FKBP9: variants seen among roughly 807,000 people sequenced by gnomAD.
The protein encoded by FKBP9 is peptidyl-prolyl cis-trans isomerase FKBP9.
FKBP9 carries 27 observed loss-of-function variants against 55.6 expected under a neutral mutation model. The ratio of observed to expected loss-of-function variants is 0.49; its 90% CI spans 0.36 to 0.67. FKBP9 has a LOEUF of 0.67. Among genes scored for constraint, FKBP9 ranks in the 30% least tolerant of loss-of-function variants. The pLI, the probability that FKBP9 is intolerant of heterozygous loss-of-function variation, is 0.00. For missense variants in FKBP9, 539 were observed against 742.8 expected (o/e 0.73, Z 3.19); for synonymous variants, 267 against 296.5 (o/e 0.90, Z 1.02).
intron 1 of FKBP9, among the ~76,000 whole-genome samples, chr7:32,960,271 C>T (rs1343303852): frequency 5.3e-5 from 8 of 151,964 alleles, no homozygotes; most frequent in Admixed American, 1.3e-4. Context: ...CCTGCCACCA[C>T]GCCTGGCTAA....
intron 1 of FKBP9, among the ~76,000 whole-genome samples, chr7:32,971,134 T>C (rs55719312): frequency 0.37 from 55,389 of 151,150 alleles, 10,608 homozygotes; most frequent in South Asian, 0.49. Flanking sequence ...CCAGGACAGG[T>C]TGTATAAATG....
chr7:33,005,473 C>T lies in FKBP9; in HGVS notation c.*122C>T. On this transcript the variant is annotated 3_prime_UTR_variant, in exon 10 of 10. Coordinates refer to ENST00000242209, the MANE Select transcript of FKBP9 (RefSeq NM_007270.5). ...CATCATTAGCCAGTAGTAGGTGGGT[C>T]ACATAGTACCTGGTGTACACATCGG... 2 of 1,023,942 alleles carry T rather than the reference C, an allele frequency of 2.0e-6. No individual in the cohort carries two copies. Among genetic ancestry groups the T allele is most frequent in the Non-Finnish European group, 2.9e-6 (2 of 690,596 alleles). 63.4% of individuals were successfully genotyped at this position (1,023,942 alleles called of 1,614,324 possible).
rs533537841 is a variant in FKBP9 at position 33,000,072 on chromosome 7, A to G, written c.1227-43A>G. 8 of 1,613,370 alleles carry G rather than the reference A, an allele frequency of 5.0e-6. No homozygotes were observed. In the East Asian group the frequency reaches 8.9e-5, roughly 18 times the overall value. Reference sequence around the variant, plus strand: ...TCTCATGGGAACACTCTCAGTGCCAATGGGTTGGTGACCTAACATGAGGCT... The same window carrying G: ...TCTCATGGGAACACTCTCAGTGCCAGTGGGTTGGTGACCTAACATGAGGCT... On this transcript the variant is annotated intron_variant, in intron 7 of 9. Transcript: ENST00000242209.
intron 7 of FKBP9, among the ~76,000 whole-genome samples, chr7:32,997,440 C>A (rs968247773): frequency 1.3e-5 from 2 of 152,090 alleles, no homozygotes; most frequent in African/African-American, 4.8e-5. Context: ...TGGTCTCGAA[C>A]TCCTGACCTC....
intron 7 of FKBP9, among the ~76,000 whole-genome samples, chr7:32,999,892 A>T (rs1024592850): frequency 6.6e-6 from 1 of 152,134 alleles, no homozygotes. Context: ...GAACTTCCAC[A>T]GTCTTGCCTG....
rs753065980 is a variant in FKBP9, at chr7:33,002,690, G to T, written c.1387G>T (p.Gly463Cys). ...GEAGVDGEVP[G>C]SAVLVFDIEL... ...CACCTGGACAGATGGAGAAGTGCCC[G>T]GCAGTGCCGTATTAGTGTTTGACAT... is the stretch of plus-strand genomic sequence containing the variant. Residue 463 changes from glycine (G) to cysteine (C), a missense_variant, in exon 9 of 10, where the codon GGC becomes TGC. Physicochemically the swap from Gly to Cys is radical, Grantham distance 159 (BLOSUM62 -3). Transcript: ENST00000242209. 12 of 1,613,902 alleles carry T rather than the reference G, an allele frequency of 7.4e-6. No individual in the cohort carries two copies. The highest frequency in any genetic ancestry group is 1.0e-5 in the Non-Finnish European group (12 of 1,179,938).
intron 6 of FKBP9, 64 bp from the exon 7 acceptor site, chr7:32,996,099 T>G (rs973384654): frequency 2.3e-5 from 34 of 1,498,912 alleles, no homozygotes; most frequent in Non-Finnish European, 3.0e-5. Flanking sequence ...CTGGTGACAC[T>G]GGGGAGGCCC....
At chr7:32,993,445 G>A (rs1182184580) in intron 6 of FKBP9, among the ~76,000 whole-genome samples, 2 of 152,166 alleles carry the variant, frequency 1.3e-5, no homozygotes, top group African/African-American at 4.8e-5. Flanking sequence ...CCTCACTTGA[G>A]TGGAATCATA....
intron 1 of FKBP9, among the ~76,000 whole-genome samples, chr7:32,965,812 A>AAATATATATATAT (rs1554284289): frequency 5.7e-5 from 2 of 34,934 alleles, no homozygotes; most frequent in Admixed American, 5.4e-4. Flanking sequence ...AAAAAAAAAA[A>AAATATATATATAT]ATATATATAT....
chr7:32,979,471 G>T (rs1466116206), intron 4 of FKBP9: 111 of 1,513,494 alleles, frequency 7.3e-5, no homozygotes, highest in Non-Finnish European at 9.6e-5. Context: ...TTCCTTGGAT[G>T]GGAAGGAGAT....
chr7:32,970,494 C>A (rs899130921), intron 1 of FKBP9, among the ~76,000 whole-genome samples: 25 of 151,960 alleles, frequency 1.6e-4, no homozygotes, highest in African/African-American at 6.0e-4. Context: ...CTGCACCTGG[C>A]CCTCTTTAAT....
Position 32,976,474 on chromosome 7 carries a change from T to C in FKBP9, c.678T>C (p.Phe226=). The change falls in exon 4 of 10, where the codon TTT becomes TTC. Residue 226 remains phenylalanine (F), a synonymous_variant. Transcript: ENST00000242209. ...AGCGCATCATCACCATTCCTCCTTTTCTGGCCTATGGAGAGGATGGAGATG... is the reference window on the plus strand; with the variant it reads ...AGCGCATCATCACCATTCCTCCTTTCCTGGCCTATGGAGAGGATGGAGATG... The part of the protein sequence containing the change: ...GEKRIITIPP[F]LAYGEDGDGK... The C allele has an allele frequency of 1.9e-6, 3 of 1,612,384 alleles. No individual in the cohort carries two copies. The highest frequency in any genetic ancestry group is 2.5e-6 in the Non-Finnish European group (3 of 1,179,034).
chr7:32,957,828 C>A, intron 1 of FKBP9, 34 bp downstream of exon 1: 1 of 1,383,872 alleles, frequency 7.2e-7, no homozygotes, highest in Non-Finnish European at 9.4e-7. Flanking sequence ...GCGGCCTCAG[C>A]GGATGCGCGT....
At chr7:33,002,376 G>A (rs1405227567) in intron 8 of FKBP9, among the ~76,000 whole-genome samples, 3 of 152,018 alleles carry the variant, frequency 2.0e-5, no homozygotes, top group Non-Finnish European at 4.4e-5. Flanking sequence ...CAAGTGATCC[G>A]CCCGAGTCGG....
intron 1 of FKBP9, among the ~76,000 whole-genome samples, chr7:32,972,420 CTG>C (rs1784271863): frequency 2.0e-5 from 3 of 152,172 alleles, no homozygotes; most frequent in Admixed American, 2.0e-4. Flanking sequence ...GAGGTGGACT[CTG>C]TTGCTCGCCC....
chr7:32,980,163 C>T, intron 4 of FKBP9, among the ~76,000 whole-genome samples: 1 of 151,540 alleles, frequency 6.6e-6, no homozygotes, highest in East Asian at 1.9e-4. Context: ...CAATTTTCTC[C>T]TTTTGCTGAG....
chr7:32,981,159 C>T (rs551029637), intron 5 of FKBP9, among the ~76,000 whole-genome samples: 9 of 151,492 alleles, frequency 5.9e-5, no homozygotes, highest in Non-Finnish European at 1.2e-4. Context: ...TGGGCTCTAG[C>T]CCCTGTCTGT....
Position 33,003,793 on chromosome 7 carries a change from C to A in FKBP9, c.1536+954C>A, listed in dbSNP as rs952881171. On this transcript the variant is annotated intron_variant, in intron 9 of 9. Coordinates refer to ENST00000242209, the MANE Select transcript of FKBP9 (RefSeq NM_007270.5). Reference sequence around the variant, plus strand: ...CTGATCGCTTCATGTTGGAGTACCCCGGGCTAAGTCTTGACCTTTGTTCTT... The same window carrying A: ...CTGATCGCTTCATGTTGGAGTACCCAGGGCTAAGTCTTGACCTTTGTTCTT... 3.0e-4 allele frequency among the ~76,000 whole-genome samples: 45 copies of A among 152,162 alleles called. 1 individual carries two copies.
intron 1 of FKBP9, among the ~76,000 whole-genome samples, chr7:32,964,436 A>G (rs954657493): frequency 2.6e-5 from 4 of 152,248 alleles, no homozygotes; most frequent in African/African-American, 9.6e-5. Context: ...CATAACAGCA[A>G]TGGATTTTGC....
Sources: gnomAD v4.1 joint callset for allele counts (sites outside exome capture counted in the v4.1 genomes callset) on GRCh38, gnomAD v4.1.1 for gene constraint, MANE v1.5 for transcripts, NCBI Gene and HGNC (gene_info 2026-07-23, HGNC 2026-07-21) for gene names.